HDAC8: variants seen among roughly 807,000 people sequenced by gnomAD.
The protein encoded by HDAC8 is histone deacetylase 8, also known as histone deacetylase-like 1.
Under a neutral mutation model 32.2 loss-of-function variants are expected in HDAC8, and 1 was observed. The observed-to-expected ratio is 0.03, with a 90% CI of 0.01 to 0.15. The LOEUF is 0.15. Ranked by LOEUF, HDAC8 falls within the 10% of genes least tolerant of loss-of-function variation. The pLI, the probability that HDAC8 is intolerant of heterozygous loss-of-function variation, is 1.00. For synonymous variants in HDAC8, 108 were observed against 113.9 expected (o/e 0.95, Z 0.33); for missense variants, 117 against 300.0 (o/e 0.39, Z 4.51).
chrX:72,416,965 T>C (rs782064605), intron 9 of HDAC8, among the ~76,000 whole-genome samples: 1 of 111,217 alleles, frequency 9.0e-6, no homozygotes, highest in South Asian at 3.8e-4. Flanking sequence ...AAATGGCCCA[T>C]CTTTATTCTT....
chrX:72,569,311 G>A (rs1269549281), intron 2 of HDAC8, among the ~76,000 whole-genome samples: 2 of 111,764 alleles, frequency 1.8e-5, no homozygotes, highest in African/African-American at 6.5e-5. Context: ...ATGTTATCAT[G>A]CATTTTGAAT....
At chrX:72,407,291 G>A (rs1482626630) in intron 9 of HDAC8, among the ~76,000 whole-genome samples, 1 of 112,117 alleles carries the variant, frequency 8.9e-6, no homozygotes, top group African/African-American at 3.2e-5. Flanking sequence ...GTGTGCACCG[G>A]GGTGAAGCCA....
chrX:72,496,812 C>T (rs1364680433), intron 4 of HDAC8, among the ~76,000 whole-genome samples: 1 of 104,710 alleles, frequency 9.6e-6, no homozygotes, highest in Non-Finnish European at 2.0e-5. Context: ...ATCATCCAAA[C>T]AAAAAAGGCA....
At chrX:72,472,098 C>T (rs1301654161) in intron 7 of HDAC8, among the ~76,000 whole-genome samples, 3 of 104,689 alleles carry the variant, frequency 2.9e-5, no homozygotes, top group Non-Finnish European at 5.9e-5. Flanking sequence ...GACGGAGTCT[C>T]GCTCTGTCGC....
At chrX:72,462,145 C>T (rs782509829) in intron 8 of HDAC8, 47 bp from the exon 9 acceptor site, 1 of 980,684 alleles carries the variant, frequency 1.0e-6, no homozygotes, top group Non-Finnish European at 1.4e-6. Flanking sequence ...AGTCATAAAA[C>T]AGCAGGAGAG....
chrX:72,417,942 A>G (rs1004192946), intron 9 of HDAC8, among the ~76,000 whole-genome samples: 1 of 112,078 alleles, frequency 8.9e-6, no homozygotes, highest in African/African-American at 3.2e-5. Flanking sequence ...AATTTTTTAC[A>G]AAGTTGACAA....
intron 10 of HDAC8, chrX:72,351,389 G>A (rs2044176036): frequency 9.4e-6 from 2 of 212,985 alleles, no homozygotes; most frequent in South Asian, 9.7e-5. Flanking sequence ...CGTAAGCCAC[G>A]GTGCCCGGCC....
intron 9 of HDAC8, among the ~76,000 whole-genome samples, chrX:72,397,917 G>A (rs1555966067): frequency 8.9e-6 from 1 of 111,888 alleles, no homozygotes; most frequent in African/African-American, 3.3e-5. Context: ...GAACAATGTT[G>A]CTATAAACTT....
chrX:72,439,518 C>A (rs1294158577), intron 9 of HDAC8, among the ~76,000 whole-genome samples: 1 of 108,091 alleles, frequency 9.3e-6, no homozygotes, highest in African/African-American at 3.4e-5. Context: ...CAAAGACTGG[C>A]AAACTGGATA....
At chrX:72,478,553 A>C (rs2048402412) in intron 7 of HDAC8, among the ~76,000 whole-genome samples, 1 of 111,239 alleles carries the variant, frequency 9.0e-6, no homozygotes, top group Non-Finnish European at 1.9e-5. Flanking sequence ...CCAGGCAAAC[A>C]CATTGCTTTT....
At chrX:72,402,278 G>C (rs1203064717) in intron 9 of HDAC8, among the ~76,000 whole-genome samples, 4 of 110,215 alleles carry the variant, frequency 3.6e-5, no homozygotes, top group Non-Finnish European at 5.7e-5. Context: ...TGTTAATTTT[G>C]TTGATCTTGT....
chrX:72,387,183 C>G (rs782187795), intron 9 of HDAC8, among the ~76,000 whole-genome samples: 4 of 112,550 alleles, frequency 3.6e-5, no homozygotes, highest in Admixed American at 1.9e-4. Flanking sequence ...CATGGGTTAG[C>G]TAAGCCTAGT....
chrX:72,551,125 G>T (rs935997671), intron 4 of HDAC8, among the ~76,000 whole-genome samples: 13 of 108,991 alleles, frequency 1.2e-4, no homozygotes, highest in Admixed American at 1.2e-3. Flanking sequence ...AACTGATGAG[G>T]ATCTGGTAGA....
chrX:72,341,742 C>T (rs2043893765), intron 10 of HDAC8, among the ~76,000 whole-genome samples: 1 of 111,083 alleles, frequency 9.0e-6, no homozygotes, highest in Admixed American at 9.6e-5. Flanking sequence ...TTGGGACTGC[C>T]GTCTCTCTGG....
intron 4 of HDAC8, among the ~76,000 whole-genome samples, chrX:72,514,165 T>G (rs1266182618): frequency 8.9e-6 from 1 of 112,413 alleles, no homozygotes; most frequent in Non-Finnish European, 1.9e-5. Context: ...AGGTCATATT[T>G]GAAGTGGTTC....
intron 7 of HDAC8, among the ~76,000 whole-genome samples, chrX:72,486,730 G>T (rs781832567): frequency 9.0e-6 from 1 of 111,648 alleles, no homozygotes; most frequent in South Asian, 3.8e-4. Flanking sequence ...TACAGCAGGG[G>T]TGAGGATGAG....
chrX:72,440,296 A>G (rs1405456732), intron 9 of HDAC8, among the ~76,000 whole-genome samples: 6 of 112,051 alleles, frequency 5.4e-5, no homozygotes, highest in African/African-American at 1.9e-4. Context: ...GATACAATGT[A>G]CCAGAATCTC....
At chrX:72,476,478 G>A (rs782477537) in intron 7 of HDAC8, among the ~76,000 whole-genome samples, 2 of 111,501 alleles carry the variant, frequency 1.8e-5, no homozygotes, top group Non-Finnish European at 3.8e-5. Flanking sequence ...TGCTCATAGT[G>A]TAGACTGCAT....
intron 9 of HDAC8, among the ~76,000 whole-genome samples, chrX:72,372,033 T>C (rs1479229016): frequency 9.0e-6 from 1 of 111,459 alleles, no homozygotes; most frequent in East Asian, 2.8e-4. Context: ...TTAGGAGCTT[T>C]TTCAGGTCCC....
Sources: allele counts gnomAD v4.1 joint callset (sites outside exome capture counted in the v4.1 genomes callset), GRCh38; gene constraint gnomAD v4.1.1; transcripts MANE v1.5; gene names NCBI Gene and HGNC (gene_info 2026-07-23, HGNC 2026-07-21).